PAXIP1: variants seen among roughly 807,000 people sequenced by gnomAD.
The protein encoded by PAXIP1 is PAX interacting protein 1.
A neutral mutation model predicts 140.6 loss-of-function variants in PAXIP1; 19 were observed. That is an observed-to-expected ratio of 0.14 (90% confidence interval 0.09 to 0.20). The LOEUF (loss-of-function observed/expected upper bound fraction) is 0.20. PAXIP1 is among the 10% of genes least tolerant of loss of function. The probability of loss-of-function intolerance (pLI) is 1.00; values close to 1 mark genes in which losing one functional copy is unlikely to be tolerated. For synonymous variants in PAXIP1, 442 were observed against 444.6 expected (o/e 0.99, Z 0.07); for missense variants, 920 against 1,208.6 (o/e 0.76, Z 3.54).
chr7:155,002,340 C>T (rs1369695731), intron 1 of PAXIP1, among the ~76,000 whole-genome samples: 1 of 152,152 alleles, frequency 6.6e-6, no homozygotes, highest in African/African-American at 2.4e-5. Context: ...CGGCAGCTGC[C>T]CGGGTGGCGG....
chr7:154,981,100 G>A (rs1442167029), intron 5 of PAXIP1, among the ~76,000 whole-genome samples: 4 of 151,994 alleles, frequency 2.6e-5, no homozygotes, highest in South Asian at 2.1e-4. Context: ...CAGCCTGGGC[G>A]ACAGAGTGAG....
intron 20 of PAXIP1, 107 bp from the exon 21 acceptor site, chr7:154,944,271 GCTA>G (rs1807823787): frequency 1.1e-6 from 1 of 942,774 alleles, no homozygotes; most frequent in Non-Finnish European, 1.6e-6. Flanking sequence ...TTGAAGGAAT[GCTA>G]CAGCCTCTTT....
intron 4 of PAXIP1, chr7:154,983,588 C>T (rs188775922): frequency 2.3e-4 from 64 of 282,540 alleles, no homozygotes; most frequent in Non-Finnish European, 3.4e-4. Context: ...ATATTTATAT[C>T]CACATTCCAA....
rs1807968949 is a variant in PAXIP1, at chr7:154,946,248, CAATAGCA to C, written c.3194+110_3194+116del. The C allele has an allele frequency of 1.3e-6, 2 of 1,550,750 alleles. No homozygotes were observed. Among genetic ancestry groups the C allele is most frequent in the Admixed American group, 2.0e-5 (1 of 50,494 alleles). ...AAAGAATTGTTCACTGCATAAATCA[CAATAGCA>C]AAGAAAGGAAAAATGGCTTGCAAAA... On this transcript the variant is annotated intron_variant, in intron 20 of 20. Coordinates refer to ENST00000404141, the MANE Select transcript of PAXIP1 (RefSeq NM_007349.4). The surrounding 1 kb of genome is among the most constrained non-coding windows in gnomAD (Gnocchi z 4.9).
At chr7:154,948,962 T>C (rs1272599581) in intron 16 of PAXIP1, 1 of 152,018 alleles carries the variant, frequency 6.6e-6, no homozygotes, top group African/African-American at 2.4e-5. Context: ...TTATTAATAA[T>C]TGACAGATTT....
intron 17 of PAXIP1, 174 bp downstream of exon 17, chr7:154,947,729 A>T: frequency 1.6e-6 from 1 of 610,720 alleles, no homozygotes; most frequent in East Asian, 2.7e-5. Context: ...TGTGGTTCAC[A>T]GGAGGAAGAC....
chr7:154,947,705 C>A (rs552074922), intron 17 of PAXIP1, 198 bp downstream of exon 17: 1 of 538,372 alleles, frequency 1.9e-6, no homozygotes, highest in South Asian at 2.8e-5. Context: ...AAGAAAAGTT[C>A]TCTAGAGATG....
At chr7:154,945,228 C>A (rs1397147840) in intron 20 of PAXIP1, 1 of 152,148 alleles carries the variant, frequency 6.6e-6, no homozygotes, top group Non-Finnish European at 1.5e-5. Flanking sequence ...AGGTGATCCA[C>A]CTGTCTTGGC....
rs759528119 is a variant in PAXIP1, at chr7:154,961,654, A to G, written c.2128-6T>C. 6.4e-7 allele frequency: 1 copy of G among 1,574,614 alleles called. No homozygotes were observed. Among genetic ancestry groups the G allele is most frequent in the Non-Finnish European group, 8.6e-7 (1 of 1,161,122 alleles). On this transcript the variant is annotated splice_region_variant and splice_polypyrimidine_tract_variant and intron_variant, in intron 10 of 20. Coordinates refer to ENST00000404141, the MANE Select transcript of PAXIP1 (RefSeq NM_007349.4). ...AATCCAGTCACAGAAATAATCTAAG[A>G]AAAAAAGAGAAAATAAGGTAAACAC...
intron 6 of PAXIP1, chr7:154,974,296 T>C (rs1585062600): frequency 6.6e-6 from 1 of 152,216 alleles, no homozygotes; most frequent in African/African-American, 2.4e-5. Context: ...TCTGCTTCAC[T>C]CTTGCCCCTC....
intron 5 of PAXIP1, among the ~76,000 whole-genome samples, chr7:154,977,990 A>AC (rs1563379932): frequency 8.9e-4 from 135 of 151,210 alleles, no homozygotes; most frequent in African/African-American, 3.0e-3. Flanking sequence ...CGCAGACCAA[A>AC]TTAGAGACTA....
intron 4 of PAXIP1, among the ~76,000 whole-genome samples, chr7:154,990,292 C>T (rs760323309): frequency 6.0e-4 from 92 of 152,208 alleles, no homozygotes; most frequent in Non-Finnish European, 1.0e-3. Context: ...CCGCCCACCT[C>T]GGCCTCCCAA....
intron 16 of PAXIP1, among the ~76,000 whole-genome samples, chr7:154,953,809 G>A (rs142114752): frequency 2.0e-5 from 3 of 152,238 alleles, no homozygotes; most frequent in African/African-American, 4.8e-5. Flanking sequence ...CTCTTTGGGG[G>A]CTCTGAACAA....
Position 154,946,192 on chromosome 7 carries a change from A to G in PAXIP1, c.3194+173T>C. 1.0e-5 allele frequency: 10 copies of G among 982,840 alleles called. No homozygotes were observed. Among genetic ancestry groups the G allele is most frequent in the Non-Finnish European group, 1.1e-5 (9 of 827,518 alleles). 60.9% of individuals were successfully genotyped at this position (982,840 alleles called of 1,614,324 possible). On this transcript the variant is annotated intron_variant, in intron 20 of 20. Transcript: ENST00000404141. This position sits in a 1 kb window ranked among gnomAD's most constrained non-coding sequence, Gnocchi z 4.9. ...CTCAGTAAGTTAAGAGAATATTTTT[A>G]CTAGCAACTCAAATGAATATTCTGA...
At chr7:154,958,926 T>A (rs1240867802) in intron 13 of PAXIP1, among the ~76,000 whole-genome samples, 1 of 152,186 alleles carries the variant, frequency 6.6e-6, no homozygotes, top group African/African-American at 2.4e-5. Flanking sequence ...GTCTTTAAAA[T>A]TAAAATCATA....
At chr7:154,998,872 T>A in intron 1 of PAXIP1, 88 bp from the exon 2 acceptor site, 1 of 1,134,808 alleles carries the variant, frequency 8.8e-7, no homozygotes, top group East Asian at 2.6e-5. Context: ...GGCATAATAG[T>A]ACTTTTTAAT....
intron 16 of PAXIP1, among the ~76,000 whole-genome samples, chr7:154,952,694 G>C (rs1472271671): frequency 6.6e-6 from 1 of 152,186 alleles, no homozygotes; most frequent in Non-Finnish European, 1.5e-5. Flanking sequence ...GTAGTGAACA[G>C]AGGCGCTCAG....
In PAXIP1 at chr7:154,961,557, C is replaced by A. The variant is rs1372066838; in HGVS notation, c.2219G>T (p.Cys740Phe). 7 of 1,607,278 alleles carry A rather than the reference C, an allele frequency of 4.4e-6. No homozygotes were observed. The highest frequency in any genetic ancestry group is 6.0e-6 in the Non-Finnish European group (7 of 1,176,320). ...LAGAKYTGYLCRSNTVLICKE... is the reference protein window; with the variant it reads ...LAGAKYTGYLFRSNTVLICKE... Reference sequence around the variant, plus strand: ...ACAGATGAGGACTGTGTTGCTGCGGCATAGATAACCCGTATATTTGGCACC... The same window carrying A: ...ACAGATGAGGACTGTGTTGCTGCGGAATAGATAACCCGTATATTTGGCACC... The change falls in exon 11 of 21, where the codon TGC becomes TTC. Residue 740 changes from cysteine (C) to phenylalanine (F), a missense_variant. By Grantham distance (205) the Cys-to-Phe change is radical. This residue lies in a region of PAXIP1 where 303 missense variants were observed against 517.9 expected (regional missense o/e 0.59). Transcript: ENST00000404141.
chr7:154,959,584 C>T (rs2150748959), intron 13 of PAXIP1, among the ~76,000 whole-genome samples: 1 of 152,322 alleles, frequency 6.6e-6, no homozygotes, highest in East Asian at 1.9e-4. Flanking sequence ...GCAGAGACCT[C>T]CAGCCCTGTG....
Sources: gnomAD v4.1 joint callset for allele counts (sites outside exome capture counted in the v4.1 genomes callset) on GRCh38, gnomAD v4.1.1 for gene constraint, gnomAD v4.1.1 regional missense constraint, Gnocchi (gnomAD v3.1) non-coding constraint, MANE v1.5 for transcripts, NCBI Gene and HGNC (gene_info 2026-07-23, HGNC 2026-07-21) for gene names.